Variants in PSMD11 observed in about 807,000 individuals in gnomAD.
PSMD11 encodes proteasome 26S subunit, non-ATPase 11, also known as 26S proteasome non-ATPase regulatory subunit 11.
Under a neutral mutation model 62.3 loss-of-function variants are expected in PSMD11, and 5 were observed. The observed-to-expected ratio is 0.08, with a 90% CI of 0.04 to 0.17. The LOEUF (loss-of-function observed/expected upper bound fraction) is 0.17, where lower values mean the gene tolerates loss of function less well. PSMD11 is among the 10% of genes least tolerant of loss of function. The pLI is 1.00. For synonymous variants in PSMD11, 191 were observed against 191.8 expected, an observed-to-expected ratio of 1.00 and a Z score of 0.03; for missense variants, 310 against 512.9, an observed-to-expected ratio of 0.60 and a Z score of 3.82.
chr17:32,473,257 T>A (rs1908223504), intron 6 of PSMD11, among the ~76,000 whole-genome samples: 1 of 150,982 alleles, frequency 6.6e-6, no homozygotes, highest in South Asian at 2.1e-4. Flanking sequence ...GTGCCGAGAT[T>A]ACAGGAGTGA....
At chr17:32,447,096 CTT>C (rs771083513) in intron 2 of PSMD11, 50 bp downstream of exon 2, 3 of 1,423,464 alleles carry the variant, frequency 2.1e-6, no homozygotes, top group Non-Finnish European at 1.9e-6. Context: ...AAATTCCTGT[CTT>C]TTGTTGGAGT....
At chr17:32,459,142 ATTT>A (rs550831770) in intron 3 of PSMD11, among the ~76,000 whole-genome samples, 1 of 132,378 alleles carries the variant, frequency 7.6e-6, no homozygotes, top group Admixed American at 7.7e-5. Flanking sequence ...ATATATATGT[ATTT>A]TTTTTTTTGC....
At chr17:32,473,685 T>C (rs1320595368) in intron 6 of PSMD11, 116 bp from the exon 7 acceptor site, 2 of 1,019,638 alleles carry the variant, frequency 2.0e-6, no homozygotes, top group African/African-American at 3.3e-5. Context: ...AAAGTGTGGA[T>C]TTACAGGTGT....
chr17:32,479,744 A>G lies in PSMD11; in HGVS notation c.1039-107A>G, dbSNP rs760152197. On this transcript the variant is annotated intron_variant, in intron 10 of 13. Coordinates refer to ENST00000261712, the MANE Select transcript of PSMD11 (RefSeq NM_002815.4). ...TAAGCACGGCCAAGGAGGGTCTTAC[A>G]TTAGAATTTTGAGAAATACAGCAGT... 50 of 1,346,702 alleles carry G rather than the reference A, an allele frequency of 3.7e-5. No homozygotes were observed. The African/African-American group carries it at 4.6e-4, about 12-fold the overall frequency. 83.4% of individuals were successfully genotyped at this position (1,346,702 alleles called of 1,614,324 possible). A position where few individuals can be genotyped will look rare whatever the true frequency, so the allele number is the denominator to read the frequency against.
rs372127595 is a variant in PSMD11, at chr17:32,444,571, C to G, written c.48C>G (p.Leu16=). 1.1e-4 allele frequency: 176 copies of G among 1,611,794 alleles called. No individual in the cohort carries two copies. Among genetic ancestry groups the G allele is most frequent in the Non-Finnish European group, 1.4e-4 (170 of 1,179,344 alleles). ...AGTTCCAGAGAGCCCAGTCTCTACT[C>G]AGCACCGACCGGGAGGCCTCCATCG... ...VVEFQRAQSL[L]STDREASIDI... Residue 16 remains leucine, a synonymous_variant, in exon 1 of 14, where the codon CTC becomes CTG. Transcript: ENST00000261712.
intron 12 of PSMD11, 44 bp from the exon 13 acceptor site, chr17:32,480,445 T>A: frequency 6.2e-7 from 1 of 1,612,596 alleles, no homozygotes; most frequent in Non-Finnish European, 8.5e-7. Flanking sequence ...CACTTTTGTG[T>A]CTAACCTCAT....
intron 2 of PSMD11, among the ~76,000 whole-genome samples, chr17:32,448,609 G>C (rs181485761): frequency 6.6e-6 from 1 of 152,082 alleles, no homozygotes; most frequent in Non-Finnish European, 1.5e-5. Flanking sequence ...CTGACCTCAG[G>C]TGATCTACCT....
chr17:32,459,002 C>G (rs951948020), intron 3 of PSMD11, among the ~76,000 whole-genome samples: 2 of 149,850 alleles, frequency 1.3e-5, no homozygotes, highest in African/African-American at 4.9e-5. Context: ...GGCTGAGGCA[C>G]AAGAATCACT....
At chr17:32,480,287 C>T (rs1908450203) in intron 12 of PSMD11, 90 bp downstream of exon 12, 1 of 1,541,278 alleles carries the variant, frequency 6.5e-7, no homozygotes, top group Admixed American at 1.7e-5. Flanking sequence ...CTATTTGTTT[C>T]CCCCGATGGT....
Position 32,464,013 on chromosome 17 carries a change from A to G in PSMD11, c.319-36A>G, listed in dbSNP as rs370123019. On this transcript the variant is annotated intron_variant, in intron 3 of 13. Coordinates refer to ENST00000261712, the MANE Select transcript of PSMD11 (RefSeq NM_002815.4). The stretch of plus-strand genomic sequence containing the variant: ...CATGGTTTGTGGGAAGAATTTGAGG[A>G]CATAATGTTGCATGTACTGTCTCTC... 5.1e-6 allele frequency: 8 copies of G among 1,577,966 alleles called. No homozygotes were observed. In the African/African-American group the frequency reaches 1.1e-4, roughly 21 times the overall value.
At chr17:32,479,535 C>T (rs1908428715) in intron 10 of PSMD11, 159 bp downstream of exon 10, 3 of 1,088,794 alleles carry the variant, frequency 2.8e-6, no homozygotes, top group East Asian at 2.5e-5. Context: ...GAACAAAAAT[C>T]GAGGAGAGAG....
chr17:32,475,021 G>T (rs1436972522), intron 8 of PSMD11, among the ~76,000 whole-genome samples, 197 bp downstream of exon 8: 8 of 152,182 alleles, frequency 5.3e-5, no homozygotes, highest in Admixed American at 1.3e-4. Context: ...AGCGTTTGGT[G>T]CTCTTATGGA....
chr17:32,449,049 A>G (rs1016313355), intron 2 of PSMD11, among the ~76,000 whole-genome samples: 3 of 152,226 alleles, frequency 2.0e-5, no homozygotes, highest in Non-Finnish European at 4.4e-5. Context: ...TAATTACTCC[A>G]TGCAAAATAT....
chr17:32,469,113 C>T lies in PSMD11; in HGVS notation c.563C>T (p.Ala188Val). The T allele has an allele frequency of 6.2e-7, 1 of 1,614,130 alleles. No individual in the cohort carries two copies. Among genetic ancestry groups the T allele is most frequent in the Non-Finnish European group, 8.5e-7 (1 of 1,180,028 alleles). Reference protein sequence around the residue: ...HALSNLPKARAALTSARTTAN... With the variant: ...HALSNLPKARVALTSARTTAN... The stretch of plus-strand genomic sequence containing the variant: ...CTGAGCAACCTGCCGAAAGCCCGAG[C>T]TGCCTTAACTTCTGCTCGAACCACA... Residue 188 changes from alanine to valine, a missense_variant, in exon 6 of 14, where the codon GCT becomes GTT. By Grantham distance (64) the Ala-to-Val change is moderately conservative. Around this residue, in one of 6 missense-constraint regions of PSMD11, gnomAD observed 47 missense variants for 117.7 expected, o/e 0.40. Transcript: ENST00000261712.
chr17:32,472,643 T>C (rs1387441495), intron 6 of PSMD11, among the ~76,000 whole-genome samples: 1 of 151,832 alleles, frequency 6.6e-6, no homozygotes, highest in Non-Finnish European at 1.5e-5. Context: ...GTTCAAGAGA[T>C]TCTCCTGCCT....
rs553443188 is a variant in PSMD11, at chr17:32,479,705, G to A, written c.1039-146G>A. On this transcript the variant is annotated intron_variant, in intron 10 of 13. Coordinates refer to ENST00000261712, the MANE Select transcript of PSMD11 (RefSeq NM_002815.4). ...GCAGTGAAGGGCAGGCAGATGGGCAGAGAACAAGAGACTTAAGCACGGCCA... is the reference window on the plus strand; with the variant it reads ...GCAGTGAAGGGCAGGCAGATGGGCAAAGAACAAGAGACTTAAGCACGGCCA... 4 of 920,356 alleles carry A rather than the reference G, an allele frequency of 4.3e-6. No homozygotes were observed. The African/African-American group carries it at 6.6e-5, about 15-fold the overall frequency. 57.0% of individuals were successfully genotyped at this position (920,356 alleles called of 1,614,324 possible).
intron 11 of PSMD11, 39 bp downstream of exon 11, chr17:32,479,925 C>CGGGGTGGCGAGGA (rs1567859599): frequency 7.5e-6 from 12 of 1,602,184 alleles, no homozygotes; most frequent in Middle Eastern, 1.7e-4. Context: ...AGGAATGGGA[C>CGGGGTGGCGAGGA]GGGGTGGCGA....
At chr17:32,447,081 C>T (rs1394720821) in intron 2 of PSMD11, 35 bp downstream of exon 2, 5 of 1,472,786 alleles carry the variant, frequency 3.4e-6, no homozygotes, top group African/African-American at 1.4e-5. Context: ...CTGAAATGCT[C>T]AGTGAAATTC....
intron 2 of PSMD11, among the ~76,000 whole-genome samples, chr17:32,449,108 A>T (rs1338302180): frequency 3.3e-5 from 5 of 152,036 alleles, no homozygotes; most frequent in Admixed American, 6.6e-5. Flanking sequence ...TGATGTGAAA[A>T]TTTTTTTTGT....
Sources: allele counts gnomAD v4.1 joint callset (sites outside exome capture counted in the v4.1 genomes callset), GRCh38; gene constraint gnomAD v4.1.1; regional missense constraint gnomAD v4.1.1; transcripts MANE v1.5; gene names NCBI Gene and HGNC (gene_info 2026-07-23, HGNC 2026-07-21).